Variants in PHLDB2 observed in about 807,000 individuals in gnomAD.
PHLDB2 encodes the protein pleckstrin homology like domain family B member 2, also known as pleckstrin homology-like domain family B member 2.
Under a neutral mutation model 123.6 loss-of-function variants are expected in PHLDB2, and 71 were observed. The ratio of observed to expected loss-of-function variants is 0.57; its 90% CI spans 0.47 to 0.70. The LOEUF (loss-of-function observed/expected upper bound fraction) is 0.70. Ranked by LOEUF, PHLDB2 falls within the 30% of genes least tolerant of loss-of-function variation. The pLI is 0.00. For synonymous variants in PHLDB2, 547 were observed against 541.6 expected (o/e 1.01, Z -0.14); for missense variants, 1,446 against 1,519.5 (o/e 0.95, Z 0.80).
At chr3:111,806,419 C>T (rs550225893) in intron 1 of PHLDB2, among the ~76,000 whole-genome samples, 2 of 152,068 alleles carry the variant, frequency 1.3e-5, no homozygotes, top group Non-Finnish European at 2.9e-5. Flanking sequence ...TTATATAATA[C>T]AAAATGTAGT....
chr3:111,850,648 T>C (rs1300474218), intron 2 of PHLDB2, among the ~76,000 whole-genome samples: 1 of 151,588 alleles, frequency 6.6e-6, no homozygotes, highest in Non-Finnish European at 1.5e-5. Context: ...CTTGTAGTCC[T>C]AGTTACTTGG....
chr3:111,972,344 G>C (rs966918369), intron 16 of PHLDB2, among the ~76,000 whole-genome samples: 1 of 152,066 alleles, frequency 6.6e-6, no homozygotes, highest in African/African-American at 2.4e-5. Flanking sequence ...GGGCAAATAG[G>C]TTAGGATATT....
intron 7 of PHLDB2, among the ~76,000 whole-genome samples, chr3:111,940,322 G>A (rs1033109624): frequency 3.9e-5 from 6 of 152,058 alleles, no homozygotes; most frequent in South Asian, 2.1e-4. Context: ...TTAATCAGTC[G>A]ATCTATATTA....
intron 1 of PHLDB2, among the ~76,000 whole-genome samples, chr3:111,793,789 G>A (rs2061030866): frequency 6.6e-6 from 1 of 151,798 alleles, no homozygotes; most frequent in African/African-American, 2.4e-5. Context: ...TCTGTCCCAG[G>A]GTTTGTCTAG....
In PHLDB2 at chr3:111,754,761, C is replaced by T. The variant is rs1440898137; in HGVS notation, c.-49+22058C>T. On this transcript the variant is annotated intron_variant, in intron 1 of 17. Transcript: ENST00000393923. ...AAAGGGAATGCTTCCAGTTTTTGCCCATTCAGTATGATATTGGCTGTGGGT... is the reference window on the plus strand; with the variant it reads ...AAAGGGAATGCTTCCAGTTTTTGCCTATTCAGTATGATATTGGCTGTGGGT... 1.6e-3 allele frequency among the ~76,000 whole-genome samples: 243 copies of T among 148,520 alleles called. 1 individual carries two copies. Among genetic ancestry groups the T allele is most frequent in the African/African-American group, 5.8e-3 (230 of 39,682 alleles).
At chr3:111,931,151 T>C (rs1450113300) in intron 5 of PHLDB2, among the ~76,000 whole-genome samples, 1 of 152,200 alleles carries the variant, frequency 6.6e-6, no homozygotes, top group Non-Finnish European at 1.5e-5. Context: ...TCCTGCCAGT[T>C]TATATAAAAG....
At chr3:111,784,989 C>G (rs1040539704) in intron 1 of PHLDB2, among the ~76,000 whole-genome samples, 2 of 152,024 alleles carry the variant, frequency 1.3e-5, no homozygotes, top group Non-Finnish European at 2.9e-5. Context: ...TTTTTGAGAA[C>G]AAATTAATTG....
chr3:111,885,450 C>A (rs1478802793), intron 2 of PHLDB2, 38 bp downstream of exon 2: 4 of 1,612,676 alleles, frequency 2.5e-6, no homozygotes, highest in Non-Finnish European at 3.4e-6. Flanking sequence ...CTCACTGTTT[C>A]ATTAACCAGC....
In PHLDB2 at chr3:111,884,622, G is replaced by C. The variant is rs1400055093; in HGVS notation, c.545G>C (p.Gly182Ala). The change falls in exon 2 of 18, where the codon GGA becomes GCA. Residue 182 changes from glycine to alanine, a missense_variant. Gly to Ala is a moderately conservative substitution (Grantham distance 60). This residue lies in a region of PHLDB2 where 832 missense variants were observed against 831.9 expected (regional missense o/e 1.00). Transcript: ENST00000431670. ...ASGSLLAMWN[G>A]SSLSDAGPPP... is the part of the protein sequence containing the mutation. ...GGCTCGCTCCTGGCCATGTGGAATG[G>C]AAGTTCCCTGAGTGATGCTGGCCCG... 1.2e-6 allele frequency: 2 copies of C among 1,614,136 alleles called. No individual in the cohort carries two copies. The highest frequency in any genetic ancestry group is 3.3e-5 in the Admixed American group (2 of 60,016).
chr3:111,836,729 G>A (rs1027912165), intron 1 of PHLDB2, among the ~76,000 whole-genome samples: 6 of 152,166 alleles, frequency 3.9e-5, no homozygotes, highest in Non-Finnish European at 8.8e-5. Context: ...TGAAGGGGAA[G>A]CAAGGCACAT....
At chr3:111,742,965 A>G (rs1306575043) in intron 1 of PHLDB2, among the ~76,000 whole-genome samples, 1 of 152,210 alleles carries the variant, frequency 6.6e-6, no homozygotes, top group Non-Finnish European at 1.5e-5. Context: ...AGAGAAAATG[A>G]ACCAATAAAG....
Position 111,975,198 on chromosome 3 carries a change from C to A in PHLDB2, c.*635C>A, listed in dbSNP as rs1577241935. ...TGGTATTTTGATGCCATCAAATGCCCAGGAAATTGACTTTGCAGTGTCACC... is the reference window on the plus strand; with the variant it reads ...TGGTATTTTGATGCCATCAAATGCCAAGGAAATTGACTTTGCAGTGTCACC... On this transcript the variant is annotated 3_prime_UTR_variant, in exon 18 of 18. Coordinates refer to ENST00000431670, the MANE Select transcript of PHLDB2 (RefSeq NM_001134438.2). The A allele has an allele frequency of 6.6e-6, 1 of 152,242 alleles. No individual in the cohort carries two copies. Among genetic ancestry groups the A allele is most frequent in the African/African-American group, 2.4e-5 (1 of 41,276 alleles). The allele number at this position is 152,242 out of a possible 1,614,324, so 9.4% of individuals were successfully genotyped here.
chr3:111,890,103 A>G (rs776549069), intron 2 of PHLDB2, among the ~76,000 whole-genome samples: 3 of 152,188 alleles, frequency 2.0e-5, no homozygotes, highest in Non-Finnish European at 4.4e-5. Context: ...AACAACAACA[A>G]ACAAATACTC....
intron 8 of PHLDB2, among the ~76,000 whole-genome samples, chr3:111,942,967 T>C (rs1577147642): frequency 6.6e-6 from 1 of 152,118 alleles, no homozygotes; most frequent in African/African-American, 2.4e-5. Flanking sequence ...AACCCAACCC[T>C]GTATTGTTTT....
intron 10 of PHLDB2, among the ~76,000 whole-genome samples, chr3:111,950,402 A>G (rs1161901592): frequency 6.6e-6 from 1 of 152,206 alleles, no homozygotes; most frequent in Non-Finnish European, 1.5e-5. Flanking sequence ...TAATGATCCC[A>G]TGAAGTAAAA....
intron 9 of PHLDB2, among the ~76,000 whole-genome samples, chr3:111,946,719 T>C (rs771915320): frequency 4.6e-5 from 7 of 152,222 alleles, no homozygotes; most frequent in East Asian, 1.9e-4. Context: ...TATGGTCTAC[T>C]GCATGTGTAA....
At chr3:111,812,761 A>G (rs2061898877) in intron 1 of PHLDB2, among the ~76,000 whole-genome samples, 1 of 152,218 alleles carries the variant, frequency 6.6e-6, no homozygotes. Context: ...GTTAATGAAT[A>G]TAGCTTGGAG....
At chr3:111,835,725 G>A (rs970980791) in intron 1 of PHLDB2, among the ~76,000 whole-genome samples, 9 of 152,198 alleles carry the variant, frequency 5.9e-5, no homozygotes, top group African/African-American at 2.2e-4. Flanking sequence ...TTACTCACTT[G>A]TCTGGAGGTT....
intron 1 of PHLDB2, among the ~76,000 whole-genome samples, chr3:111,872,226 G>A (rs1484055137): frequency 6.6e-6 from 1 of 152,182 alleles, no homozygotes; most frequent in Non-Finnish European, 1.5e-5. Flanking sequence ...AGGCCTTTGG[G>A]ACTGTTTTCT....
Sources: allele counts gnomAD v4.1 joint callset (sites outside exome capture counted in the v4.1 genomes callset), GRCh38; gene constraint gnomAD v4.1.1; regional missense constraint gnomAD v4.1.1; transcripts MANE v1.5; gene names NCBI Gene and HGNC (gene_info 2026-07-23, HGNC 2026-07-21).